The following UBE2J2 variants were observed in gnomAD, a reference collection of about 807,000 sequenced individuals.
UBE2J2 encodes ubiquitin-conjugating enzyme E2 J2.
UBE2J2 carries 5 observed loss-of-function variants against 28.6 expected under a neutral mutation model. That is an observed-to-expected ratio of 0.17 (90% CI 0.09 to 0.37). The LOEUF (loss-of-function observed/expected upper bound fraction) is 0.37, where lower values mean the gene tolerates loss of function less well. UBE2J2 is among the 10% of genes least tolerant of loss of function. The pLI, the probability that UBE2J2 is intolerant of heterozygous loss-of-function variation, is 1.00. For missense variants in UBE2J2, 226 were observed against 338.9 expected (o/e 0.67, Z 2.62); for synonymous variants, 138 against 139.7 (o/e 0.99, Z 0.09).
chr1:1,267,794 C>A, intron 2 of UBE2J2, 68 bp downstream of exon 2: 1 of 1,590,214 alleles, frequency 6.3e-7, no homozygotes. Context: ...GCTCGCCCAG[C>A]AGGGGCCGGC....
In UBE2J2 at chr1:1,255,103, C is replaced by T; in HGVS notation, c.*100G>A. On this transcript the variant is annotated 3_prime_UTR_variant, in exon 7 of 7. Transcript: ENST00000349431. ...GTTTTTAAAAGCTAAACCTAGGAGC[C>T]TGGTGGGTCTGCCTGTGCTGGGCAG... 1 of 1,309,460 alleles carries T rather than the reference C, an allele frequency of 7.6e-7. No homozygotes were observed. Among genetic ancestry groups the T allele is most frequent in the Non-Finnish European group, 1.0e-6 (1 of 969,512 alleles). The allele number at this position is 1,309,460 out of a possible 1,614,324, so 81.1% of individuals were successfully genotyped here. A position where few individuals can be genotyped will look rare whatever the true frequency, so the allele number is the denominator to read the frequency against.
chr1:1,261,398 T>C (rs1343047452), intron 3 of UBE2J2, among the ~76,000 whole-genome samples: 1 of 151,922 alleles, frequency 6.6e-6, no homozygotes, highest in African/African-American at 2.4e-5. Context: ...AAAGCACAAG[T>C]GACAGGGTTG....
Position 1,255,275 on chromosome 1 carries a change from C to T in UBE2J2, c.708G>A (p.Leu236=), listed in dbSNP as rs1058146. ...AGGCTGCAAACCCAACTATCACAAA[C>T]AAGTTCGCCAGGGCGCCACCCAGGA... is the stretch of plus-strand genomic sequence containing the variant. ...HGLLGGALAN[L]FVIVGFAAFA... Residue 236 remains leucine (L), a synonymous_variant, in exon 7 of 7, where the codon TTG becomes TTA. Transcript: ENST00000349431. The T allele has an allele frequency of 6.2e-7, 1 of 1,613,458 alleles. No individual in the cohort carries two copies. The highest frequency in any genetic ancestry group is 8.5e-7 in the Non-Finnish European group (1 of 1,179,830).
intron 2 of UBE2J2, among the ~76,000 whole-genome samples, chr1:1,265,619 G>T (rs1230364845): frequency 1.3e-5 from 2 of 148,290 alleles, no homozygotes; most frequent in African/African-American, 5.0e-5. Flanking sequence ...GTGTGTGTGT[G>T]TGTGTGTGTG....
At chr1:1,262,429 C>A in intron 3 of UBE2J2, 1 of 413,720 alleles carries the variant, frequency 2.4e-6, no homozygotes, top group Non-Finnish European at 4.9e-6. Context: ...GCTGTGTTAA[C>A]TCGGCCAAAA....
rs3831194 is a variant in UBE2J2, at chr1:1,273,803, G to GCGCCGCCGC, written c.-147_-139dup. The GCGCCGCCGC allele has an allele frequency of 1.6e-4, 24 of 153,480 alleles. No individual in the cohort carries two copies. The highest frequency in any genetic ancestry group is 5.3e-4 in the African/African-American group (22 of 41,418). 9.5% of individuals were successfully genotyped at this position (153,480 alleles called of 1,614,324 possible). ...GATTGGGCCCACCGAACCCGCCGCA[G>GCGCCGCCGC]CGCCGCCGCCGCCGCCTCAGCCTCC... On this transcript the variant is annotated 5_prime_UTR_variant, in exon 1 of 7. Coordinates refer to ENST00000349431, the MANE Select transcript of UBE2J2 (RefSeq NM_058167.3).
In UBE2J2 at chr1:1,255,472, G is replaced by C. The variant is rs768816108; in HGVS notation, c.511C>G (p.Gln171Glu). ...CTACTGAGTTCGTCTTGTGCTTTCTGTTTTTGTTTAATCTCCTAAGAGAAA... is the reference window on the plus strand; with the variant it reads ...CTACTGAGTTCGTCTTGTGCTTTCTCTTTTTGTTTAATCTCCTAAGAGAAA... The part of the protein sequence containing the change: ...PEVVEEIKQK[Q>E]KAQDELSSRP... Residue 171 changes from glutamine (Q) to glutamate (E), a missense_variant, in exon 7 of 7, where the codon CAG becomes GAG. By Grantham distance (29) the Gln-to-Glu change is conservative (BLOSUM62 2). Around this residue, in one of 3 missense-constraint regions of UBE2J2, gnomAD observed 133 missense variants for 161.5 expected, o/e 0.82. Coordinates refer to ENST00000349431, the MANE Select transcript of UBE2J2 (RefSeq NM_058167.3). 2.5e-6 allele frequency: 4 copies of C among 1,609,258 alleles called. No individual in the cohort carries two copies. The Admixed American group carries it at 5.0e-5, about 20-fold the overall frequency.
chr1:1,256,894 A>AC, intron 5 of UBE2J2, 98 bp downstream of exon 5: 1 of 1,054,846 alleles, frequency 9.5e-7, no homozygotes. Flanking sequence ...TCAAGAAAAA[A>AC]AAAAAAAAAA....
intron 2 of UBE2J2, among the ~76,000 whole-genome samples, chr1:1,264,998 T>C (rs1032387100): frequency 2.9e-4 from 44 of 152,190 alleles, no homozygotes; most frequent in African/African-American, 1.1e-3. Flanking sequence ...AAAAATGCCA[T>C]TATCATGTGT....
At chr1:1,263,272 G>C (rs1256048953) in intron 3 of UBE2J2, 74 bp downstream of exon 3, 2 of 1,361,610 alleles carry the variant, frequency 1.5e-6, no homozygotes, top group Non-Finnish European at 2.1e-6. Flanking sequence ...GCAAATAAAA[G>C]ATGTTGAACA....
At chr1:1,260,988 C>G (rs1234057229) in intron 3 of UBE2J2, among the ~76,000 whole-genome samples, 5 of 152,236 alleles carry the variant, frequency 3.3e-5, no homozygotes, top group Admixed American at 2.6e-4. Context: ...AGGGGCAGAA[C>G]AGCCACGGAA....
At chr1:1,260,340 T>G (rs921640395) in intron 3 of UBE2J2, among the ~76,000 whole-genome samples, 1 of 152,232 alleles carries the variant, frequency 6.6e-6, no homozygotes, top group Non-Finnish European at 1.5e-5. Context: ...TGGAACGATG[T>G]TTAGCTCGGT....
In UBE2J2 at chr1:1,268,122, C is replaced by T; in HGVS notation, c.1-130G>A. On this transcript the variant is annotated intron_variant, in intron 1 of 6. Transcript: ENST00000349431. The surrounding 1 kb of genome is among the most constrained non-coding windows in gnomAD (Gnocchi z 4.7). The stretch of plus-strand genomic sequence containing the variant: ...GGCCCGGTCACCCAGAGTCACAGCT[C>T]ACAGGTCACCCTCGCTTGCCACCCG... 1 of 1,297,396 alleles carries T rather than the reference C, an allele frequency of 7.7e-7. No individual in the cohort carries two copies. The highest frequency in any genetic ancestry group is 1.1e-6 in the Non-Finnish European group (1 of 930,858). 80.4% of individuals were successfully genotyped at this position (1,297,396 alleles called of 1,614,324 possible). A position where few individuals can be genotyped will look rare whatever the true frequency, so the allele number is the denominator to read the frequency against.
Position 1,268,521 on chromosome 1 carries a change from G to A in UBE2J2, c.1-529C>T, listed in dbSNP as rs1228116750. Among the ~76,000 whole-genome samples the A allele has an allele frequency of 6.6e-6, 1 of 152,118 alleles. No individual in the cohort carries two copies. On this transcript the variant is annotated intron_variant, in intron 1 of 6. Coordinates refer to ENST00000349431, the MANE Select transcript of UBE2J2 (RefSeq NM_058167.3). The surrounding 1 kb of genome is among the most constrained non-coding windows in gnomAD (Gnocchi z 4.7). ...GCAGAACGGGGGAGCCTCTGCGGCT[G>A]GAGGGACGAGGACTCTGGAGACTCC...
Position 1,254,813 on chromosome 1 carries a change from A to C in UBE2J2, c.*390T>G. Reference sequence around the variant, plus strand: ...GGTTCCCACCCGCTGAGGAGCCGGGAGCTCCGAGAAACGCGCCAGGAGCTC... The same window carrying C: ...GGTTCCCACCCGCTGAGGAGCCGGGCGCTCCGAGAAACGCGCCAGGAGCTC... On this transcript the variant is annotated 3_prime_UTR_variant, in exon 7 of 7. Coordinates refer to ENST00000349431, the MANE Select transcript of UBE2J2 (RefSeq NM_058167.3). The C allele has an allele frequency of 6.0e-6, 1 of 165,318 alleles. No homozygotes were observed. The highest frequency in any genetic ancestry group is 1.3e-5 in the Non-Finnish European group (1 of 76,738). 10.2% of individuals were successfully genotyped at this position (165,318 alleles called of 1,614,324 possible).
chr1:1,258,937 G>A (rs945706005), intron 3 of UBE2J2, among the ~76,000 whole-genome samples: 15 of 152,374 alleles, frequency 9.8e-5, no homozygotes, highest in Admixed American at 4.6e-4. Flanking sequence ...CCCAACCAGA[G>A]GACCACAAGT....
rs1032151945 is a variant in UBE2J2 at position 1,268,061 on chromosome 1, C to A, written c.1-69G>T. ...GCCACAGCTCTCTCCCCTGGCGCAG[C>A]CCCACTCCCGCCTCTGCAGCCCGCC... is the stretch of plus-strand genomic sequence containing the variant. On this transcript the variant is annotated intron_variant, in intron 1 of 6. Transcript: ENST00000349431. This position sits in a 1 kb window ranked among gnomAD's most constrained non-coding sequence, Gnocchi z 4.7. The A allele has an allele frequency of 1.2e-5, 19 of 1,580,948 alleles. No homozygotes were observed. The highest frequency in any genetic ancestry group is 1.6e-5 in the Non-Finnish European group (19 of 1,159,168).
rs1026471396 is a variant in UBE2J2 at position 1,254,944 on chromosome 1, C to T, written c.*259G>A. 5 of 420,936 alleles carry T rather than the reference C, an allele frequency of 1.2e-5. No homozygotes were observed. The highest frequency in any genetic ancestry group is 4.1e-5 in the Admixed American group (1 of 24,434). The allele number at this position is 420,936 out of a possible 1,614,324, so 26.1% of individuals were successfully genotyped here. On this transcript the variant is annotated 3_prime_UTR_variant, in exon 7 of 7. Transcript: ENST00000349431. ...TACTAAAACAGGTCCAAAGACAACA[C>T]GGAAGATAAGCTACAAATCCAGCAC...
At chr1:1,256,574 C>A (rs1639187733) in intron 5 of UBE2J2, among the ~76,000 whole-genome samples, 1 of 152,204 alleles carries the variant, frequency 6.6e-6, no homozygotes, top group Non-Finnish European at 1.5e-5. Context: ...CCACCCAGCC[C>A]CGCCTACTGA....
Sources: gnomAD v4.1 joint callset for allele counts (sites outside exome capture counted in the v4.1 genomes callset) on GRCh38, gnomAD v4.1.1 for gene constraint, gnomAD v4.1.1 regional missense constraint, Gnocchi (gnomAD v3.1) non-coding constraint, MANE v1.5 for transcripts, NCBI Gene and HGNC (gene_info 2026-07-23, HGNC 2026-07-21) for gene names.